CWC27: variants seen among roughly 807,000 people sequenced by gnomAD.
CWC27 encodes the protein spliceosome-associated protein CWC27 homolog.
Under a neutral mutation model 63.6 loss-of-function variants are expected in CWC27, and 47 were observed. That is an observed-to-expected ratio of 0.74 (90% CI 0.58 to 0.94). The LOEUF is 0.94. Among genes scored for constraint, CWC27 ranks in the 40% least tolerant of loss-of-function variants. The pLI is 0.00. For synonymous variants in CWC27, 175 were observed against 179.8 expected (o/e 0.97, Z 0.22); for missense variants, 495 against 554.3 (o/e 0.89, Z 1.07).
chr5:64,784,751 A>G (rs988691275), intron 4 of CWC27, among the ~76,000 whole-genome samples: 3 of 152,230 alleles, frequency 2.0e-5, no homozygotes, highest in African/African-American at 7.2e-5. Context: ...AATCACACTA[A>G]AACTATATGT....
chr5:64,975,444 C>A (rs2112445510), intron 12 of CWC27, among the ~76,000 whole-genome samples: 1 of 151,864 alleles, frequency 6.6e-6, no homozygotes. Context: ...TTGATTAGGC[C>A]CTTGATTTCT....
chr5:65,018,398 A>T lies in CWC27; in HGVS notation c.*77A>T, dbSNP rs564820257. The T allele has an allele frequency of 3.9e-6, 5 of 1,273,658 alleles. No homozygotes were observed. The highest frequency in any genetic ancestry group is 4.7e-5 in the Admixed American group (2 of 42,428). 78.9% of individuals were successfully genotyped at this position (1,273,658 alleles called of 1,614,324 possible). On this transcript the variant is annotated 3_prime_UTR_variant, in exon 14 of 14. Transcript: ENST00000381070. ...TGTAACAGCCATTGTTCCCAACAGC[A>T]TCACTTAGGGGTGTGAAAAGAAGTA...
At chr5:64,907,198 T>G (rs1042416309) in intron 11 of CWC27, among the ~76,000 whole-genome samples, 4 of 152,126 alleles carry the variant, frequency 2.6e-5, no homozygotes, top group African/African-American at 9.7e-5. Flanking sequence ...TTCCAATTCT[T>G]TGAAGAAAGT....
chr5:64,918,027 A>G (rs1265014429), intron 11 of CWC27, among the ~76,000 whole-genome samples: 1 of 152,116 alleles, frequency 6.6e-6, no homozygotes, highest in African/African-American at 2.4e-5. Context: ...AAAACAAAAC[A>G]AAACTTGAAA....
At chr5:64,819,567 T>TC (rs1298453272) in intron 10 of CWC27, among the ~76,000 whole-genome samples, 1 of 151,914 alleles carries the variant, frequency 6.6e-6, no homozygotes, top group Non-Finnish European at 1.5e-5. Context: ...AAAGGGGAGT[T>TC]CCCCTGTACA....
chr5:64,925,729 C>A (rs1748097405), intron 11 of CWC27, among the ~76,000 whole-genome samples: 1 of 152,152 alleles, frequency 6.6e-6, no homozygotes, highest in African/African-American at 2.4e-5. Context: ...TACATGTATA[C>A]AAAGTCCTCA....
At chr5:64,801,367 C>A in intron 9 of CWC27, 35 bp downstream of exon 9, 1 of 1,274,342 alleles carries the variant, frequency 7.8e-7, no homozygotes, top group Non-Finnish European at 1.0e-6. Flanking sequence ...ATAGTTTGAA[C>A]AATTCATAGA....
At chr5:64,872,722 C>A (rs371066260) in intron 10 of CWC27, among the ~76,000 whole-genome samples, 7 of 152,120 alleles carry the variant, frequency 4.6e-5, no homozygotes, top group African/African-American at 1.7e-4. Context: ...TTATCTGTTA[C>A]CAAGTATGGC....
intron 10 of CWC27, among the ~76,000 whole-genome samples, chr5:64,872,373 G>C (rs1746693633): frequency 6.6e-6 from 1 of 152,204 alleles, no homozygotes; most frequent in South Asian, 2.1e-4. Flanking sequence ...CTGTATGAGA[G>C]AGGCAGGGCC....
intron 11 of CWC27, among the ~76,000 whole-genome samples, chr5:64,904,704 C>G (rs558692147): frequency 6.6e-6 from 1 of 152,344 alleles, no homozygotes; most frequent in Admixed American, 6.5e-5. Context: ...TTCAAAGAAA[C>G]TGTAGACATA....
intron 7 of CWC27, among the ~76,000 whole-genome samples, chr5:64,793,628 T>G (rs1744152858): frequency 6.6e-6 from 1 of 152,180 alleles, no homozygotes; most frequent in African/African-American, 2.4e-5. Context: ...TTTAAGTGTA[T>G]GAAATGACTG....
chr5:64,785,627 G>C, intron 5 of CWC27, 48 bp downstream of exon 5: 1 of 1,180,566 alleles, frequency 8.5e-7, no homozygotes, highest in Non-Finnish European at 1.2e-6. Flanking sequence ...TGTCGTTTAA[G>C]AGGAATTGAT....
intron 11 of CWC27, among the ~76,000 whole-genome samples, chr5:64,924,154 A>T (rs562918506): frequency 6.6e-6 from 1 of 152,216 alleles, no homozygotes; most frequent in Non-Finnish European, 1.5e-5. Context: ...GAGTTAAGAT[A>T]CATCAACCTA....
chr5:64,875,263 A>G (rs1039728975), intron 10 of CWC27, among the ~76,000 whole-genome samples: 1 of 152,162 alleles, frequency 6.6e-6, no homozygotes, highest in African/African-American at 2.4e-5. Context: ...TGGAAGGAGT[A>G]AGATTGTAAG....
At chr5:65,018,124 C>T (rs774605790) in intron 13 of CWC27, 35 bp from the exon 14 acceptor site, 1 of 1,535,252 alleles carries the variant, frequency 6.5e-7, no homozygotes, top group Admixed American at 2.2e-5. Context: ...AGTTCCCATG[C>T]AAGAAATCAC....
At chr5:64,850,716 A>T (rs1183200595) in intron 10 of CWC27, among the ~76,000 whole-genome samples, 1 of 152,180 alleles carries the variant, frequency 6.6e-6, no homozygotes, top group Admixed American at 6.5e-5. Flanking sequence ...ACTTAATAGC[A>T]AGAAAACAAA....
chr5:64,867,828 A>G (rs1379464475), intron 10 of CWC27, among the ~76,000 whole-genome samples: 1 of 151,970 alleles, frequency 6.6e-6, no homozygotes, highest in Non-Finnish European at 1.5e-5. Flanking sequence ...GCTTATCTCT[A>G]ACACTAACAT....
At chr5:65,017,035 C>A (rs1363107069) in intron 13 of CWC27, among the ~76,000 whole-genome samples, 2 of 151,988 alleles carry the variant, frequency 1.3e-5, no homozygotes, top group African/African-American at 2.4e-5. Flanking sequence ...GAAAATTGAA[C>A]TTTTCGCCGG....
intron 10 of CWC27, among the ~76,000 whole-genome samples, chr5:64,817,747 ATTAT>A (rs1165057233): frequency 6.6e-6 from 1 of 152,038 alleles, no homozygotes; most frequent in African/African-American, 2.4e-5. Context: ...CTTACTCTTT[ATTAT>A]TTAGATATAG....
Sources: gnomAD v4.1 joint callset for allele counts (sites outside exome capture counted in the v4.1 genomes callset) on GRCh38, gnomAD v4.1.1 for gene constraint, MANE v1.5 for transcripts, NCBI Gene and HGNC (gene_info 2026-07-23, HGNC 2026-07-21) for gene names.